The following LHFPL3 variants were observed in gnomAD, a reference collection of about 807,000 sequenced individuals.
The protein encoded by LHFPL3 is LHFPL tetraspan subfamily member 3 protein.
LHFPL3 carries 5 observed loss-of-function variants against 19.3 expected under a neutral mutation model. The observed-to-expected ratio is 0.26, with a 90% CI of 0.14 to 0.54. LHFPL3 has a LOEUF of 0.54. Ranked by LOEUF, LHFPL3 falls within the 20% of genes least tolerant of loss-of-function variation. The pLI, the probability that LHFPL3 is intolerant of heterozygous loss-of-function variation, is 0.94. For synonymous variants in LHFPL3, 133 were observed against 126.2 expected (o/e 1.05, Z -0.36); for missense variants, 249 against 307.4 (o/e 0.81, Z 1.42).
At chr7:104,364,113 C>A (rs1283790879) in intron 1 of LHFPL3, among the ~76,000 whole-genome samples, 3 of 152,120 alleles carry the variant, frequency 2.0e-5, no homozygotes, top group East Asian at 1.9e-4. Context: ...ATCAGCCATG[C>A]AAAACTAACC....
intron 1 of LHFPL3, among the ~76,000 whole-genome samples, chr7:104,373,009 G>A (rs1358557294): frequency 7.1e-4 from 43 of 60,524 alleles, no homozygotes; most frequent in African/African-American, 7.9e-4. Flanking sequence ...AAAAAAAAAA[G>A]CAGTTCCCTG....
At chr7:104,427,780 G>C (rs1012504644) in intron 1 of LHFPL3, among the ~76,000 whole-genome samples, 3 of 152,276 alleles carry the variant, frequency 2.0e-5, no homozygotes, top group African/African-American at 7.2e-5. Flanking sequence ...AAAACATCTG[G>C]TTCTTCAAAT....
At chr7:104,883,264 C>T (rs965422013) in intron 2 of LHFPL3, among the ~76,000 whole-genome samples, 1 of 152,122 alleles carries the variant, frequency 6.6e-6, no homozygotes, top group African/African-American at 2.4e-5. Context: ...TTCTAACGTT[C>T]CCTCATTTCC....
At chr7:104,557,475 G>T (rs866098879) in intron 1 of LHFPL3, among the ~76,000 whole-genome samples, 1 of 152,012 alleles carries the variant, frequency 6.6e-6, no homozygotes, top group Non-Finnish European at 1.5e-5. Flanking sequence ...CATGAGAACA[G>T]CGCAGGAAAG....
In LHFPL3 at chr7:104,329,351, T is replaced by A. The variant is rs1194919108; in HGVS notation, c.445+127T>A. The A allele has an allele frequency of 3.2e-6, 4 of 1,261,872 alleles. No homozygotes were observed. The East Asian group carries it at 7.5e-5, about 24-fold the overall frequency. The allele number at this position is 1,261,872 out of a possible 1,614,324, so 78.2% of individuals were successfully genotyped here. On this transcript the variant is annotated intron_variant, in intron 1 of 2. Coordinates refer to ENST00000424859, the MANE Select transcript of LHFPL3 (RefSeq NM_199000.3). ...CCAAGCCGCCTAATCCGCTCAGGCG[T>A]CGAGGTGTGGGGGGCGGGAGCCCAG...
intron 1 of LHFPL3, among the ~76,000 whole-genome samples, chr7:104,676,044 G>T (rs568597071): frequency 1.8e-4 from 28 of 152,232 alleles, no homozygotes; most frequent in Non-Finnish European, 3.4e-4. Context: ...CAGAGGCTGA[G>T]CCTGGGGCTC....
intron 2 of LHFPL3, among the ~76,000 whole-genome samples, chr7:104,790,866 A>G (rs1274492047): frequency 1.3e-5 from 2 of 152,230 alleles, no homozygotes; most frequent in Admixed American, 6.5e-5. Flanking sequence ...AAGGACATCA[A>G]ATAAGACAGG....
intron 2 of LHFPL3, among the ~76,000 whole-genome samples, chr7:104,866,550 A>G (rs1791726278): frequency 6.6e-6 from 1 of 152,208 alleles, no homozygotes; most frequent in African/African-American, 2.4e-5. Context: ...TATGCACCCA[A>G]TACAGGAGCA....
intron 2 of LHFPL3, among the ~76,000 whole-genome samples, chr7:104,745,355 C>T (rs555966534): frequency 6.6e-6 from 1 of 152,340 alleles, no homozygotes; most frequent in Admixed American, 6.5e-5. Context: ...GATTTGCACA[C>T]TGTGAAGTTT....
intron 1 of LHFPL3, among the ~76,000 whole-genome samples, chr7:104,544,729 G>A (rs938309424): frequency 6.6e-6 from 1 of 152,086 alleles, no homozygotes; most frequent in African/African-American, 2.4e-5. Flanking sequence ...TAAGAAAATG[G>A]GTGTATTTTT....
chr7:104,882,752 A>G (rs1387684245), intron 2 of LHFPL3, among the ~76,000 whole-genome samples: 1 of 152,184 alleles, frequency 6.6e-6, no homozygotes, highest in East Asian at 1.9e-4. Flanking sequence ...AAATCACCGA[A>G]TTGTATACTT....
At chr7:104,792,692 G>C (rs923744982) in intron 2 of LHFPL3, among the ~76,000 whole-genome samples, 4 of 152,180 alleles carry the variant, frequency 2.6e-5, no homozygotes, top group Non-Finnish European at 5.9e-5. Flanking sequence ...TTATAGAGCA[G>C]AAAAATGAGA....
intron 1 of LHFPL3, among the ~76,000 whole-genome samples, chr7:104,371,298 A>G (rs138231677): frequency 2.0e-5 from 3 of 152,296 alleles, no homozygotes; most frequent in African/African-American, 7.2e-5. Flanking sequence ...TTCTTACAAC[A>G]TCAAAATGGT....
intron 1 of LHFPL3, among the ~76,000 whole-genome samples, chr7:104,355,463 C>G (rs1790255180): frequency 6.6e-6 from 1 of 152,146 alleles, no homozygotes; most frequent in African/African-American, 2.4e-5. Context: ...TCTGCTACAG[C>G]CAGAGTAACT....
chr7:104,411,769 A>G (rs1791539447), intron 1 of LHFPL3, among the ~76,000 whole-genome samples: 2 of 152,200 alleles, frequency 1.3e-5, no homozygotes, highest in South Asian at 2.1e-4. Context: ...CCAAAGAAAT[A>G]TGTTCGCTTT....
intron 2 of LHFPL3, among the ~76,000 whole-genome samples, chr7:104,859,243 G>A (rs1462157580): frequency 4.0e-5 from 6 of 150,716 alleles, no homozygotes; most frequent in Admixed American, 2.6e-4. Context: ...CTCCAGCCTG[G>A]GCAACAGAGT....
At chr7:104,689,229 C>T (rs1198766122) in intron 1 of LHFPL3, among the ~76,000 whole-genome samples, 1 of 152,114 alleles carries the variant, frequency 6.6e-6, no homozygotes, top group Non-Finnish European at 1.5e-5. Context: ...ATAATTGGAT[C>T]CCAAGGTGGC....
At position 104,523,062 on chromosome 7, in the gene LHFPL3, C is replaced by CAT. The variant is rs1433160685; in HGVS notation, c.445+193846_445+193847dup. 1.6e-4 allele frequency among the ~76,000 whole-genome samples: 24 copies of CAT among 149,636 alleles called. No homozygotes were observed. In the East Asian group the frequency reaches 3.3e-3, roughly 21 times the overall value. On this transcript the variant is annotated intron_variant, in intron 1 of 2. Coordinates refer to ENST00000424859, the MANE Select transcript of LHFPL3 (RefSeq NM_199000.3). ...TATGCACATTATATATACATATACACATATATATACACATATGCATGTTAT... is the reference window on the plus strand; with the variant it reads ...TATGCACATTATATATACATATACACATATATATATACACATATGCATGTTAT...
At chr7:104,677,351 G>T (rs1792610554) in intron 1 of LHFPL3, among the ~76,000 whole-genome samples, 1 of 146,804 alleles carries the variant, frequency 6.8e-6, no homozygotes, top group Admixed American at 6.9e-5. Context: ...TACTCCAGCA[G>T]GACCCAGTCT....
Sources: gnomAD v4.1 joint callset for allele counts (sites outside exome capture counted in the v4.1 genomes callset) on GRCh38, gnomAD v4.1.1 for gene constraint, MANE v1.5 for transcripts, NCBI Gene and HGNC (gene_info 2026-07-23, HGNC 2026-07-21) for gene names.